THOC2: variants seen among roughly 807,000 people sequenced by gnomAD.
THOC2 encodes THO complex 2.
A neutral mutation model predicts 128.4 loss-of-function variants in THOC2; 10 were observed. The ratio of observed to expected loss-of-function variants is 0.08; its 90% CI spans 0.05 to 0.13. The LOEUF is 0.13. Ranked by LOEUF, THOC2 falls within the 10% of genes least tolerant of loss-of-function variation. The pLI, the probability that THOC2 is intolerant of heterozygous loss-of-function variation, is 1.00. For synonymous variants in THOC2, 393 were observed against 396.9 expected, an observed-to-expected ratio of 0.99 and a Z score of 0.12; for missense variants, 535 against 1,155.7, an observed-to-expected ratio of 0.46 and a Z score of 7.79.
chrX:123,651,189 C>A (rs1352233805), intron 12 of THOC2, among the ~76,000 whole-genome samples: 1 of 111,600 alleles, frequency 9.0e-6, no homozygotes, highest in African/African-American at 3.3e-5. Flanking sequence ...ACAACTTGCT[C>A]CTGAATGACT....
rs756692173 is a variant in THOC2 at position 123,666,957 on chromosome X, C to T, written c.1190+149G>A. On this transcript the variant is annotated intron_variant, in intron 11 of 38. Coordinates refer to ENST00000245838, the MANE Select transcript of THOC2 (RefSeq NM_001081550.2). ...AGACAAGTCACTGATTAATATATAT[C>T]AGACTGATACACTCTGTGAATAGTT... is the stretch of plus-strand genomic sequence containing the variant. 58 of 392,830 alleles carry T rather than the reference C, an allele frequency of 1.5e-4. No homozygotes were observed. The Middle Eastern group carries it at 2.1e-3, about 14-fold the overall frequency. 32.4% of individuals were successfully genotyped at this position (392,830 alleles called of 1,213,427 possible). A position where few individuals can be genotyped will look rare whatever the true frequency, so the allele number is the denominator to read the frequency against.
At chrX:123,652,361 A>G (rs2048395409) in intron 12 of THOC2, among the ~76,000 whole-genome samples, 1 of 112,089 alleles carries the variant, frequency 8.9e-6, no homozygotes. Flanking sequence ...ATTCCCTTTG[A>G]AAACCAGCAC....
At chrX:123,661,711 C>A (rs978082890) in intron 12 of THOC2, among the ~76,000 whole-genome samples, 1 of 111,288 alleles carries the variant, frequency 9.0e-6, no homozygotes, top group African/African-American at 3.3e-5. Flanking sequence ...ATATAATAAA[C>A]AATATATATA....
intron 15 of THOC2, among the ~76,000 whole-genome samples, chrX:123,641,165 T>TTCC (rs1379823802): frequency 8.9e-6 from 1 of 112,173 alleles, no homozygotes; most frequent in Non-Finnish European, 1.9e-5. Flanking sequence ...ACTCCTTTCC[T>TTCC]TCCTCTTTAT....
At chrX:123,703,018 T>C (rs1169523581) in intron 4 of THOC2, among the ~76,000 whole-genome samples, 1 of 111,575 alleles carries the variant, frequency 9.0e-6, no homozygotes, top group Non-Finnish European at 1.9e-5. Context: ...AAAACAAAAG[T>C]ACTTTTGATT....
chrX:123,636,192 A>C lies in THOC2; in HGVS notation c.1922-17T>G. On this transcript the variant is annotated splice_polypyrimidine_tract_variant and intron_variant, in intron 18 of 38. Transcript: ENST00000245838. ...TAGCCAGACCTATATAAAATAAAAA[A>C]AGAGTAAAAACAACTCATAAAACAA... 2 of 1,144,596 alleles carry C rather than the reference A, an allele frequency of 1.7e-6. No homozygotes were observed. Among genetic ancestry groups the C allele is most frequent in the Non-Finnish European group, 2.4e-6 (2 of 845,744 alleles). 94.3% of individuals were successfully genotyped at this position (1,144,596 alleles called of 1,213,427 possible).
At chrX:123,602,588 G>A (rs1186391962) in intron 38 of THOC2, 2 of 112,111 alleles carry the variant, frequency 1.8e-5, no homozygotes, top group Admixed American at 1.9e-4. Flanking sequence ...GGAAGAACTG[G>A]GAGTGACTGC....
intron 33 of THOC2, among the ~76,000 whole-genome samples, chrX:123,614,817 C>T (rs1439608051): frequency 9.0e-6 from 1 of 111,405 alleles, no homozygotes; most frequent in African/African-American, 3.2e-5. Flanking sequence ...AATTTGTCTT[C>T]CTGGTTCTAA....
chrX:123,636,753 C>A (rs1041714739), intron 18 of THOC2, among the ~76,000 whole-genome samples: 16 of 111,697 alleles, frequency 1.4e-4, no homozygotes, highest in Admixed American at 3.8e-4. Context: ...GGAGGAGACC[C>A]CAGCCAATAC....
intron 38 of THOC2, among the ~76,000 whole-genome samples, chrX:123,606,420 C>T (rs937753444): frequency 1.8e-5 from 2 of 110,391 alleles, no homozygotes; most frequent in Non-Finnish European, 3.8e-5. Context: ...GGTGAAACCC[C>T]GTCTATACTG....
chrX:123,703,725 CAAAAAA>C (rs761049104), intron 3 of THOC2, among the ~76,000 whole-genome samples: 1 of 29,783 alleles, frequency 3.4e-5, no homozygotes, highest in African/African-American at 1.6e-4. Context: ...CCATCTCTAC[CAAAAAA>C]AAAAAAAAAA....
chrX:123,621,024 A>T lies in THOC2; in HGVS notation c.4217-59T>A, dbSNP rs770557416. 6 of 1,153,443 alleles carry T rather than the reference A, an allele frequency of 5.2e-6. No individual in the cohort carries two copies. The East Asian group carries it at 1.5e-4, about 29-fold the overall frequency. ...TACATTTCTAGTTTTCCAAACACTTAAAAAAAAACACCAACTTGTATGACA... is the reference window on the plus strand; with the variant it reads ...TACATTTCTAGTTTTCCAAACACTTTAAAAAAAACACCAACTTGTATGACA... On this transcript the variant is annotated intron_variant, in intron 31 of 38. Transcript: ENST00000245838.
chrX:123,723,234 T>C (rs754002114), intron 1 of THOC2, among the ~76,000 whole-genome samples: 7 of 111,681 alleles, frequency 6.3e-5, no homozygotes, highest in Admixed American at 1.9e-4. Context: ...TATAAAAAGA[T>C]GCTCATGGAA....
At chrX:123,626,800 T>C (rs2047285374) in intron 23 of THOC2, 138 bp from the exon 24 acceptor site, 1 of 530,918 alleles carries the variant, frequency 1.9e-6, no homozygotes, top group African/African-American at 2.5e-5. Flanking sequence ...AACGTGCTAC[T>C]TTTATCTCCA....
intron 12 of THOC2, among the ~76,000 whole-genome samples, chrX:123,657,962 T>C (rs1188600580): frequency 2.8e-4 from 1 of 3,595 alleles, no homozygotes; most frequent in African/African-American, 2.5e-3. Flanking sequence ...CGCATATGCG[T>C]GTGTGTGTGT....
chrX:123,615,176 C>T (rs1418066469), intron 33 of THOC2, among the ~76,000 whole-genome samples: 1 of 111,509 alleles, frequency 9.0e-6, no homozygotes, highest in Non-Finnish European at 1.9e-5. Context: ...TACATAACTA[C>T]ACAATGCTAG....
At chrX:123,730,600 TCA>T (rs967668262) in intron 1 of THOC2, among the ~76,000 whole-genome samples, 1 of 112,119 alleles carries the variant, frequency 8.9e-6, no homozygotes, top group African/African-American at 3.2e-5. Context: ...ATCTCCTACA[TCA>T]CTTTTTCTCA....
chrX:123,715,977 C>T (rs1194236626), intron 1 of THOC2, among the ~76,000 whole-genome samples: 1 of 110,667 alleles, frequency 9.0e-6, no homozygotes, highest in African/African-American at 3.3e-5. Context: ...ATATAAGAGG[C>T]TACTACACCA....
At position 123,616,673 on chromosome X, in the gene THOC2, GT is replaced by G. The variant is rs749251204; in HGVS notation, c.4312-2485del. ...GGCTGATTAATGGAACCTGTTTTTT[GT>G]TTTTTTTTTTTTAACACTATCTTCA... On this transcript the variant is annotated intron_variant, in intron 33 of 38. Coordinates refer to ENST00000245838, the MANE Select transcript of THOC2 (RefSeq NM_001081550.2). Among the ~76,000 whole-genome samples, 636 of 96,034 alleles carry G rather than the reference GT, an allele frequency of 6.6e-3. 2 individuals are homozygous for G. Among genetic ancestry groups the G allele is most frequent in the African/African-American group, 0.02 (533 of 26,960 alleles). The allele number at this position is 96,034 out of a possible 115,157, so 83.4% of individuals were successfully genotyped here.
Sources: allele counts gnomAD v4.1 joint callset (sites outside exome capture counted in the v4.1 genomes callset), GRCh38; gene constraint gnomAD v4.1.1; transcripts MANE v1.5; gene names NCBI Gene and HGNC (gene_info 2026-07-23, HGNC 2026-07-21).